The following AKAP6 variants were observed in gnomAD, a reference collection of about 807,000 sequenced individuals.
AKAP6 encodes A-kinase anchor protein 6.
Under a neutral mutation model 188.5 loss-of-function variants are expected in AKAP6, and 58 were observed. That is an observed-to-expected ratio of 0.31 (90% confidence interval 0.25 to 0.38). The LOEUF is 0.38. Among genes scored for constraint, AKAP6 ranks in the 10% least tolerant of loss-of-function variants. The pLI, the probability that AKAP6 is intolerant of heterozygous loss-of-function variation, is 1.00. For missense variants in AKAP6, 2,710 were observed against 2,740.0 expected, an observed-to-expected ratio of 0.99 and a Z score of 0.24; for synonymous variants, 989 against 998.6, an observed-to-expected ratio of 0.99 and a Z score of 0.18.
Position 32,823,104 on chromosome 14 carries a change from C to G in AKAP6, c.5291C>G (p.Thr1764Ser). The change falls in exon 13 of 14, where the codon ACT (threonine) becomes AGT (serine). Residue 1764 changes from threonine to serine, a missense_variant. Coordinates refer to ENST00000280979, the MANE Select transcript of AKAP6 (RefSeq NM_004274.5). Reference protein sequence around the residue: ...DLLSSSTLTLTEEELCIKDED... With the variant: ...DLLSSSTLTLSEEELCIKDED... ...CTCTCCAGCTCTACCCTTACCTTGACTGAAGAAGAGCTGTGCATCAAAGAT... is the reference window on the plus strand; with the variant it reads ...CTCTCCAGCTCTACCCTTACCTTGAGTGAAGAAGAGCTGTGCATCAAAGAT... 6 of 1,613,780 alleles carry G rather than the reference C, an allele frequency of 3.7e-6. No individual in the cohort carries two copies. The highest frequency in any genetic ancestry group is 5.1e-6 in the Non-Finnish European group (6 of 1,179,884).
In AKAP6 at chr14:32,678,393, C is replaced by A. The variant is rs1308269044; in HGVS notation, c.2813C>A (p.Thr938Asn). 6.2e-7 allele frequency: 1 copy of A among 1,613,866 alleles called. No individual in the cohort carries two copies. Among genetic ancestry groups the A allele is most frequent in the East Asian group, 2.2e-5 (1 of 44,814 alleles). Residue 938 changes from threonine (T) to asparagine (N), a missense_variant, in exon 8 of 14, where the codon ACC becomes AAC. Around this residue, in one of 2 missense-constraint regions of AKAP6, gnomAD observed 2,473 missense variants for 2,426.1 expected, o/e 1.02. Coordinates refer to ENST00000280979, the MANE Select transcript of AKAP6 (RefSeq NM_004274.5). ...CTCAAGCTGTACAGCGAGCAGTATA[C>A]CAGCAGCAGCAAGCGAAAGGAAGAG... ...MSLKLYSEQY[T>N]SSSKRKEEFA...
intron 7 of AKAP6, among the ~76,000 whole-genome samples, chr14:32,616,099 AT>A (rs796746502): frequency 1.2e-4 from 18 of 152,338 alleles, no homozygotes; most frequent in African/African-American, 4.1e-4. Flanking sequence ...AAGACAAAAA[AT>A]AACAGATGTT....
rs185676912 is a variant in AKAP6 at position 32,483,632 on chromosome 14, A to G, written c.324+49815A>G. 4.5e-3 allele frequency among the ~76,000 whole-genome samples: 677 copies of G among 152,044 alleles called. 4 individuals carry two copies. Among genetic ancestry groups the G allele is most frequent in the South Asian group, 0.015 (73 of 4,802 alleles). On this transcript the variant is annotated intron_variant, in intron 2 of 13. Coordinates refer to ENST00000280979, the MANE Select transcript of AKAP6 (RefSeq NM_004274.5). Reference sequence around the variant, plus strand: ...CCTGAGTAGCTGGGATTACAGGCATATGCCACCACTCCCAGCTAATTTTGT... The same window carrying G: ...CCTGAGTAGCTGGGATTACAGGCATGTGCCACCACTCCCAGCTAATTTTGT...
chr14:32,657,672 G>A (rs1001058380), intron 7 of AKAP6, among the ~76,000 whole-genome samples: 1 of 151,712 alleles, frequency 6.6e-6, no homozygotes, highest in African/African-American at 2.4e-5. Flanking sequence ...GGAAGGATAT[G>A]ATTACTTTTT....
At chr14:32,781,954 G>A (rs1407853621) in intron 12 of AKAP6, among the ~76,000 whole-genome samples, 1 of 152,086 alleles carries the variant, frequency 6.6e-6, no homozygotes, top group Non-Finnish European at 1.5e-5. Flanking sequence ...CTTGAGGCCA[G>A]GAGTTCGAGA....
intron 9 of AKAP6, among the ~76,000 whole-genome samples, chr14:32,719,897 A>G (rs1262199220): frequency 1.3e-5 from 2 of 152,014 alleles, no homozygotes; most frequent in Non-Finnish European, 2.9e-5. Context: ...ATTACTTGCA[A>G]TTGTAGAAAA....
At chr14:32,481,285 G>T (rs1292872224) in intron 2 of AKAP6, among the ~76,000 whole-genome samples, 1 of 152,120 alleles carries the variant, frequency 6.6e-6, no homozygotes, top group Non-Finnish European at 1.5e-5. Flanking sequence ...CTCACAGTTC[G>T]CAGATCCAAT....
chr14:32,603,647 A>T (rs1886020371), intron 7 of AKAP6, among the ~76,000 whole-genome samples: 1 of 152,198 alleles, frequency 6.6e-6, no homozygotes, highest in African/African-American at 2.4e-5. Context: ...GGACTACATG[A>T]TCCTCACCCA....
At chr14:32,563,228 G>T (rs1884031091) in intron 4 of AKAP6, among the ~76,000 whole-genome samples, 1 of 152,144 alleles carries the variant, frequency 6.6e-6, no homozygotes, top group African/African-American at 2.4e-5. Flanking sequence ...TATGAATGTG[G>T]GCTCTGGAGC....
intron 3 of AKAP6, among the ~76,000 whole-genome samples, chr14:32,540,685 C>T (rs1445354600): frequency 6.6e-6 from 1 of 152,156 alleles, no homozygotes; most frequent in Non-Finnish European, 1.5e-5. Context: ...CGTTAGAAAA[C>T]TATCTGGGAA....
Position 32,332,539 on chromosome 14 carries a change from A to G in AKAP6, c.-35+3131A>G, listed in dbSNP as rs1041864817. ...GCAGGATCTCTGTATGGAAAATGTT[A>G]CATCAATAATTGTGGGCATGATGGA... On this transcript the variant is annotated intron_variant, in intron 1 of 13. Transcript: ENST00000280979. Among the ~76,000 whole-genome samples, 6 of 152,226 alleles carry G rather than the reference A, an allele frequency of 3.9e-5. No individual in the cohort carries two copies. In the East Asian group the frequency reaches 1.2e-3, roughly 30 times the overall value.
chr14:32,588,680 A>G (rs1885354248), intron 5 of AKAP6, among the ~76,000 whole-genome samples: 1 of 152,208 alleles, frequency 6.6e-6, no homozygotes, highest in South Asian at 2.1e-4. Flanking sequence ...TCCTACAGAC[A>G]GTGCTTACAG....
intron 9 of AKAP6, among the ~76,000 whole-genome samples, chr14:32,713,030 A>C (rs1197259361): frequency 6.6e-6 from 1 of 152,100 alleles, no homozygotes; most frequent in Non-Finnish European, 1.5e-5. Flanking sequence ...TTGAAAGTCA[A>C]GATTACACCT....
At chr14:32,696,887 G>A (rs1169503822) in intron 9 of AKAP6, among the ~76,000 whole-genome samples, 1 of 151,914 alleles carries the variant, frequency 6.6e-6, no homozygotes, top group African/African-American at 2.4e-5. Flanking sequence ...TCAGACTGCA[G>A]TAAATCTTCC....
intron 3 of AKAP6, among the ~76,000 whole-genome samples, chr14:32,538,633 C>A (rs1882789545): frequency 6.6e-6 from 1 of 151,964 alleles, no homozygotes. Flanking sequence ...CACTTGAAGG[C>A]AAAGCTCAAA....
At chr14:32,585,969 G>A (rs573571704) in intron 5 of AKAP6, among the ~76,000 whole-genome samples, 25 of 152,252 alleles carry the variant, frequency 1.6e-4, no homozygotes, top group African/African-American at 6.0e-4. Flanking sequence ...TCCTCTGGGG[G>A]CAATGGGGAC....
intron 7 of AKAP6, among the ~76,000 whole-genome samples, chr14:32,656,657 A>G (rs1279294996): frequency 6.6e-6 from 1 of 152,192 alleles, no homozygotes; most frequent in Non-Finnish European, 1.5e-5. Context: ...TTTCGCTCAT[A>G]GGCAATTGTT....
intron 2 of AKAP6, among the ~76,000 whole-genome samples, chr14:32,479,695 G>A (rs1879242617): frequency 6.6e-6 from 1 of 152,204 alleles, no homozygotes; most frequent in South Asian, 2.1e-4. Context: ...TTAGAAGGTG[G>A]GGCCTTTGGG....
At chr14:32,694,089 C>T (rs756552468) in intron 8 of AKAP6, among the ~76,000 whole-genome samples, 20 of 151,748 alleles carry the variant, frequency 1.3e-4, no homozygotes, top group Admixed American at 5.9e-4. Flanking sequence ...GGGCCAGGCG[C>T]GGTGGCTCAT....
Sources: gnomAD v4.1 joint callset for allele counts (sites outside exome capture counted in the v4.1 genomes callset) on GRCh38, gnomAD v4.1.1 for gene constraint, gnomAD v4.1.1 regional missense constraint, MANE v1.5 for transcripts, NCBI Gene and HGNC (gene_info 2026-07-23, HGNC 2026-07-21) for gene names.